ROBO1: variants seen among roughly 807,000 people sequenced by gnomAD.
ROBO1 encodes roundabout homolog 1.
Under a neutral mutation model 195.9 loss-of-function variants are expected in ROBO1, and 149 were observed. The ratio of observed to expected loss-of-function variants is 0.76; its 90% CI spans 0.67 to 0.87. The LOEUF is 0.87. Ranked by LOEUF, ROBO1 falls within the 40% of genes least tolerant of loss-of-function variation. The pLI is 0.00. For synonymous variants in ROBO1, 816 were observed against 733.2 expected (o/e 1.11, Z -1.82); for missense variants, 1,933 against 2,068.3 (o/e 0.93, Z 1.27).
chr3:78,657,536 T>C (rs564836652), intron 17 of ROBO1, among the ~76,000 whole-genome samples: 2 of 152,338 alleles, frequency 1.3e-5, no homozygotes, highest in African/African-American at 4.8e-5. Context: ...AAATCTGTGC[T>C]TGAAGGTAGT....
intron 2 of ROBO1, among the ~76,000 whole-genome samples, chr3:79,517,303 T>C (rs6548626): frequency 0.73 from 110,758 of 152,038 alleles, 41,473 homozygotes; most frequent in African/African-American, 0.92. Context: ...GCTTCTTGTC[T>C]GTATCTAACT....
chr3:78,754,649 TGGTGG>T (rs565855526), intron 4 of ROBO1, among the ~76,000 whole-genome samples: 1,792 of 152,292 alleles, frequency 0.012, 37 homozygotes, highest in African/African-American at 0.038. Flanking sequence ...AGATTTTAAA[TGGTGG>T]CTTGCATTGG....
intron 4 of ROBO1, among the ~76,000 whole-genome samples, chr3:78,917,099 GTTTT>G (rs756798186): frequency 7.9e-6 from 1 of 127,348 alleles, no homozygotes. Context: ...TTTGTTTTTC[GTTTT>G]TTTTTTTTTT....
intron 2 of ROBO1, among the ~76,000 whole-genome samples, chr3:79,281,287 A>C (rs543845566): frequency 6.6e-6 from 1 of 151,706 alleles, no homozygotes; most frequent in African/African-American, 2.4e-5. Flanking sequence ...GTTTTTCTCC[A>C]TTTCATATAT....
At chr3:78,863,420 G>T (rs968301777) in intron 4 of ROBO1, among the ~76,000 whole-genome samples, 1 of 152,108 alleles carries the variant, frequency 6.6e-6, no homozygotes, top group Admixed American at 6.6e-5. Context: ...GCAGCCAGGG[G>T]GGAAATGTGC....
intron 4 of ROBO1, among the ~76,000 whole-genome samples, chr3:78,769,049 A>T (rs1399943956): frequency 6.6e-6 from 1 of 151,948 alleles, no homozygotes; most frequent in Non-Finnish European, 1.5e-5. Context: ...TTGTTGGATG[A>T]GATGTTCTGT....
chr3:78,670,129 C>T lies in ROBO1; in HGVS notation c.1515G>A (p.Leu505=). Residue 505 remains leucine, a synonymous_variant, in exon 11 of 31, where the codon TTG becomes TTA. Coordinates refer to ENST00000464233, the MANE Select transcript of ROBO1 (RefSeq NM_002941.4). The part of the protein sequence containing the change: ...VSTQDSRIKQ[L]ENGVLQIRYA... ...ATCGGATCTGCAGTACTCCATTCTC[C>T]AACTGTTTGATTCGAGAGTCTTGGG... 1 of 1,613,516 alleles carries T rather than the reference C, an allele frequency of 6.2e-7. No individual in the cohort carries two copies. Among genetic ancestry groups the T allele is most frequent in the Non-Finnish European group, 8.5e-7 (1 of 1,179,686 alleles).
At chr3:79,025,332 GTTTA>G (rs1303316547) in intron 3 of ROBO1, among the ~76,000 whole-genome samples, 1 of 152,028 alleles carries the variant, frequency 6.6e-6, no homozygotes. Flanking sequence ...CTTTCCACTT[GTTTA>G]TTTATTTTTT....
At chr3:79,601,266 GT>G (rs747251845) in intron 1 of ROBO1, among the ~76,000 whole-genome samples, 1 of 151,946 alleles carries the variant, frequency 6.6e-6, no homozygotes, top group Admixed American at 6.6e-5. Flanking sequence ...ACAATAGATG[GT>G]TTCATTCGGA....
intron 3 of ROBO1, among the ~76,000 whole-genome samples, chr3:79,003,217 T>C (rs902821800): frequency 5.3e-5 from 8 of 152,138 alleles, no homozygotes; most frequent in Non-Finnish European, 1.2e-4. Context: ...CAGAAATCTG[T>C]CTCCAAACTG....
intron 2 of ROBO1, among the ~76,000 whole-genome samples, chr3:79,234,992 G>GA (rs1338240117): frequency 6.6e-6 from 1 of 151,884 alleles, no homozygotes; most frequent in South Asian, 2.1e-4. Flanking sequence ...GAAATTATTG[G>GA]AAAAAAATAC....
intron 2 of ROBO1, among the ~76,000 whole-genome samples, chr3:79,335,113 TAAAAACA>T (rs963074091): frequency 5.3e-5 from 8 of 151,988 alleles, no homozygotes; most frequent in South Asian, 4.1e-4. Context: ...CAAGGCTCCA[TAAAAACA>T]AAAAACAAAA....
chr3:78,993,336 AC>A (rs1213163217), intron 3 of ROBO1, among the ~76,000 whole-genome samples: 2 of 152,152 alleles, frequency 1.3e-5, no homozygotes, highest in African/African-American at 4.8e-5. Flanking sequence ...TAACAAGCAT[AC>A]TCAAATCCTA....
intron 29 of ROBO1, among the ~76,000 whole-genome samples, chr3:78,605,349 T>C (rs1703407781): frequency 6.6e-6 from 1 of 152,128 alleles, no homozygotes; most frequent in Admixed American, 6.5e-5. Flanking sequence ...CCTGGACTAG[T>C]GGTGTGTTGG....
chr3:79,431,253 A>G (rs2038664465), intron 2 of ROBO1, among the ~76,000 whole-genome samples: 1 of 152,136 alleles, frequency 6.6e-6, no homozygotes, highest in African/African-American at 2.4e-5. Flanking sequence ...CTGTTTCCCA[A>G]AATGGAAACT....
At chr3:79,459,683 T>A (rs915272092) in intron 2 of ROBO1, among the ~76,000 whole-genome samples, 5 of 152,118 alleles carry the variant, frequency 3.3e-5, no homozygotes, top group African/African-American at 1.2e-4. Context: ...CTGTACAGAT[T>A]TTCATAATAA....
At chr3:78,785,013 T>G (rs1377034657) in intron 4 of ROBO1, among the ~76,000 whole-genome samples, 1 of 152,190 alleles carries the variant, frequency 6.6e-6, no homozygotes, top group African/African-American at 2.4e-5. Context: ...GCATATTGTG[T>G]ACCATGTCAA....
At chr3:79,623,550 C>A (rs1945076669) in intron 1 of ROBO1, among the ~76,000 whole-genome samples, 1 of 152,110 alleles carries the variant, frequency 6.6e-6, no homozygotes, top group Non-Finnish European at 1.5e-5. Flanking sequence ...ATGAAGCATA[C>A]ATAAGAATCA....
rs752017867 is a variant in ROBO1, at chr3:79,300,168, TG to T, written c.89-174630del. On this transcript the variant is annotated intron_variant, in intron 2 of 30. Transcript: ENST00000464233. ...CCGCTGCAGTGTGGGAGCCCCTTCCTGGGCTGGCCAAGGCCGAGCCGGCTCC... is the reference window on the plus strand; with the variant it reads ...CCGCTGCAGTGTGGGAGCCCCTTCCTGGCTGGCCAAGGCCGAGCCGGCTCC... Among the ~76,000 whole-genome samples, 351 of 152,280 alleles carry T rather than the reference TG, an allele frequency of 2.3e-3. 1 individual carries two copies. Among genetic ancestry groups the T allele is most frequent in the Admixed American group, 4.3e-3 (66 of 15,298 alleles).
Sources: allele counts gnomAD v4.1 joint callset (sites outside exome capture counted in the v4.1 genomes callset), GRCh38; gene constraint gnomAD v4.1.1; transcripts MANE v1.5; gene names NCBI Gene and HGNC (gene_info 2026-07-23, HGNC 2026-07-21).